Variants in PKD1L1 observed in about 807,000 individuals in gnomAD.
PKD1L1 encodes polycystin 1 like 1, transient receptor potential channel interacting, also known as polycystin-1-like protein 1.
A neutral mutation model predicts 323.4 loss-of-function variants in PKD1L1; 236 were observed. The ratio of observed to expected loss-of-function variants is 0.73; its 90% confidence interval spans 0.66 to 0.81. The LOEUF (loss-of-function observed/expected upper bound fraction) is 0.81, where lower values mean the gene tolerates loss of function less well. PKD1L1 is among the 40% of genes least tolerant of loss of function. The pLI is 0.00. For synonymous variants in PKD1L1, 1,344 were observed against 1,335.0 expected, an observed-to-expected ratio of 1.01 and a Z score of -0.15; for missense variants, 3,320 against 3,508.0, an observed-to-expected ratio of 0.95 and a Z score of 1.35.
chr7:47,791,555 C>G (rs969836648), intron 56 of PKD1L1, among the ~76,000 whole-genome samples: 9 of 151,456 alleles, frequency 5.9e-5, no homozygotes, highest in Non-Finnish European at 1.3e-4. Context: ...CAAAGTTATA[C>G]CCTTCATCTT....
chr7:47,848,811 G>GA (rs911160495), intron 31 of PKD1L1, among the ~76,000 whole-genome samples: 26 of 147,820 alleles, frequency 1.8e-4, no homozygotes, highest in African/African-American at 2.7e-4. Context: ...AGTCTCAAAA[G>GA]AAAAAAAAAA....
Position 47,888,129 on chromosome 7 carries a change from G to A in PKD1L1, c.2697C>T (p.Val899=), listed in dbSNP as rs568628309. 5.6e-6 allele frequency: 9 copies of A among 1,613,424 alleles called. No individual in the cohort carries two copies. In the African/African-American group the frequency reaches 1.1e-4, roughly 19 times the overall value. Residue 899 remains valine, a synonymous_variant, in exon 17 of 57, where the codon GTC becomes GTT. Coordinates refer to ENST00000289672, the MANE Select transcript of PKD1L1 (RefSeq NM_138295.5). ...SAFRFVHISW[V]SFKDTFVNWN... Reference sequence around the variant, plus strand: ...AGTTGACGAAGGTGTCTTTAAAGCTGACCCAGGAGATGTGGACGAATCTGA... The same window carrying A: ...AGTTGACGAAGGTGTCTTTAAAGCTAACCCAGGAGATGTGGACGAATCTGA...
At chr7:47,938,788 C>T (rs975978386) in intron 3 of PKD1L1, among the ~76,000 whole-genome samples, 1 of 152,180 alleles carries the variant, frequency 6.6e-6, no homozygotes, top group African/African-American at 2.4e-5. Context: ...GTGGCTGAAC[C>T]TTGGAGTCAC....
intron 19 of PKD1L1, 30 bp from the exon 20 acceptor site, chr7:47,882,115 T>A: frequency 1.2e-6 from 2 of 1,603,234 alleles, no homozygotes; most frequent in Admixed American, 1.8e-5. Flanking sequence ...CAATAGATGT[T>A]AAAGAAAAAA....
chr7:47,891,025 A>G (rs1374072055), intron 15 of PKD1L1, among the ~76,000 whole-genome samples: 1 of 152,120 alleles, frequency 6.6e-6, no homozygotes, highest in Admixed American at 6.6e-5. Context: ...CAGCCCCACC[A>G]GGCTTCCTAA....
intron 31 of PKD1L1, among the ~76,000 whole-genome samples, chr7:47,850,823 C>G (rs967234299): frequency 6.6e-6 from 1 of 151,934 alleles, no homozygotes; most frequent in Non-Finnish European, 1.5e-5. Flanking sequence ...AACAAAAAAT[C>G]TAGAAAGAAA....
intron 41 of PKD1L1, among the ~76,000 whole-genome samples, chr7:47,832,624 G>C (rs1325933838): frequency 6.6e-6 from 1 of 152,120 alleles, no homozygotes; most frequent in Non-Finnish European, 1.5e-5. Context: ...TGCCAGGCCA[G>C]GCCCACCACA....
At chr7:47,833,329 C>A in intron 40 of PKD1L1, 77 bp from the exon 41 acceptor site, 8 of 1,490,642 alleles carry the variant, frequency 5.4e-6, no homozygotes, top group Non-Finnish European at 7.3e-6. Context: ...AGTGGTGTGG[C>A]TTGCCGCCTT....
Position 47,873,994 on chromosome 7 carries a change from T to C in PKD1L1, c.3801A>G (p.Glu1267=), listed in dbSNP as rs776703893. 6.2e-7 allele frequency: 1 copy of C among 1,611,920 alleles called. No individual in the cohort carries two copies. The highest frequency in any genetic ancestry group is 1.7e-5 in the Admixed American group (1 of 59,900). ...CCTTGGAGCCTTTGCCATCTGTGAT[T>C]TCAGTGGAAACCATGACTGTGAGGG... is the stretch of plus-strand genomic sequence containing the variant. ...LDNYKVMVST[E]ITDGKGSKVQ... is the part of the protein sequence containing the mutation. The change falls in exon 24 of 57, where the codon GAA becomes GAG. Residue 1267 remains glutamate, a synonymous_variant. Transcript: ENST00000289672.
At chr7:47,958,502 G>A in the PKD1L1 span, among the ~76,000 whole-genome samples, 2 of 152,144 alleles carry the variant, frequency 1.3e-5, no homozygotes, top group Non-Finnish European at 2.9e-5. Flanking sequence ...GGAAACACAG[G>A]AGAAATGCTT....
At chr7:47,798,817 G>A (rs1015148317) in intron 54 of PKD1L1, among the ~76,000 whole-genome samples, 1 of 150,948 alleles carries the variant, frequency 6.6e-6, no homozygotes, top group Non-Finnish European at 1.5e-5. Context: ...GAAAATAATA[G>A]GAGAAAATAT....
chr7:47,823,332 G>T (rs1237772912), intron 45 of PKD1L1, among the ~76,000 whole-genome samples: 1 of 152,012 alleles, frequency 6.6e-6, no homozygotes, highest in Non-Finnish European at 1.5e-5. Context: ...CTATTGAGAC[G>T]AGCATGTGGT....
intron 21 of PKD1L1, 25 bp downstream of exon 21, chr7:47,880,703 A>G (rs1431378245): frequency 6.3e-7 from 1 of 1,578,338 alleles, no homozygotes; most frequent in Admixed American, 1.7e-5. Flanking sequence ...ATCCTCTGAT[A>G]AATGCAACTG....
At chr7:47,800,388 G>A (rs1469256785) in intron 54 of PKD1L1, among the ~76,000 whole-genome samples, 1 of 152,214 alleles carries the variant, frequency 6.6e-6, no homozygotes, top group African/African-American at 2.4e-5. Flanking sequence ...AGAGTGAGGG[G>A]GGCCAGGGAA....
At chr7:47,924,048 T>C (rs1787610553) in intron 7 of PKD1L1, among the ~76,000 whole-genome samples, 2 of 152,102 alleles carry the variant, frequency 1.3e-5, no homozygotes, top group Admixed American at 1.3e-4. Flanking sequence ...TGGAACAATG[T>C]CGCAGCCTGA....
At chr7:47,908,016 A>G in intron 9 of PKD1L1, 61 bp downstream of exon 9, 1 of 1,513,118 alleles carries the variant, frequency 6.6e-7, no homozygotes, top group Non-Finnish European at 9.0e-7. Flanking sequence ...AGTAAAGCGG[A>G]GATACCCTGC....
In PKD1L1 at chr7:47,803,280, C is replaced by G. The variant is rs747521865; in HGVS notation, c.7892G>C (p.Gly2631Ala). 1 of 1,613,968 alleles carries G rather than the reference C, an allele frequency of 6.2e-7. No homozygotes were observed. Among genetic ancestry groups the G allele is most frequent in the Non-Finnish European group, 8.5e-7 (1 of 1,180,030 alleles). ...GCAGGATGCCATTGTGTTTTGAATGCCAGGAAGATAGACGCATTTTAATGT... is the reference window on the plus strand; with the variant it reads ...GCAGGATGCCATTGTGTTTTGAATGGCAGGAAGATAGACGCATTTTAATGT... ...LFTLKCVYLPGIQNTMASCSS... is the reference protein window; with the variant it reads ...LFTLKCVYLPAIQNTMASCSS... The change falls in exon 53 of 57, where the codon GGC becomes GCC. Residue 2631 changes from glycine (G) to alanine (A), a missense_variant. Physicochemically the swap from Gly to Ala is moderately conservative, Grantham distance 60. Coordinates refer to ENST00000289672, the MANE Select transcript of PKD1L1 (RefSeq NM_138295.5).
At chr7:47,817,552 G>A (rs4720617) in intron 46 of PKD1L1, among the ~76,000 whole-genome samples, 150,249 of 152,376 alleles carry the variant, frequency 0.99, 74,124 homozygotes, top group East Asian at 1. Flanking sequence ...CCAATAATCT[G>A]TATATACTAT....
At chr7:47,952,508 A>T (rs1199052465), upstream of PKD1L1, among the ~76,000 whole-genome samples, 1 of 152,192 alleles carries the variant, frequency 6.6e-6, no homozygotes, top group Admixed American at 6.5e-5. Context: ...CAAGCAGCCA[A>T]TCATAAGCAC....
Sources: allele counts gnomAD v4.1 joint callset (sites outside exome capture counted in the v4.1 genomes callset), GRCh38; gene constraint gnomAD v4.1.1; transcripts MANE v1.5; gene names NCBI Gene and HGNC (gene_info 2026-07-23, HGNC 2026-07-21).